WASF3: variants seen among roughly 807,000 people sequenced by gnomAD.
WASF3 encodes actin-binding protein WASF3.
In WASF3, 11 loss-of-function variants were observed where a neutral mutation model predicts 46.6. The ratio of observed to expected loss-of-function variants is 0.24; its 90% CI spans 0.15 to 0.39. The LOEUF is 0.39. WASF3 is among the 10% of genes least tolerant of loss of function. WASF3 has a pLI of 1.00. For synonymous variants in WASF3, 242 were observed against 259.7 expected, an observed-to-expected ratio of 0.93 and a Z score of 0.65; for missense variants, 576 against 669.8, an observed-to-expected ratio of 0.86 and a Z score of 1.55.
chr13:26,569,331 A>G (rs917756907), intron 1 of WASF3, among the ~76,000 whole-genome samples: 5 of 152,244 alleles, frequency 3.3e-5, no homozygotes, highest in South Asian at 2.1e-4. Context: ...GACAGTATCT[A>G]TCAGCTTGTT....
intron 1 of WASF3, among the ~76,000 whole-genome samples, chr13:26,595,276 G>T (rs990106224): frequency 6.6e-6 from 1 of 152,072 alleles, no homozygotes; most frequent in African/African-American, 2.4e-5. Flanking sequence ...TTTAAATATG[G>T]ATCTGCTCAG....
At chr13:26,668,501 A>G (rs2137474201) in intron 5 of WASF3, among the ~76,000 whole-genome samples, 1 of 152,290 alleles carries the variant, frequency 6.6e-6, no homozygotes, top group African/African-American at 2.4e-5. Flanking sequence ...TTCTCCTGTG[A>G]GAACCTTCCA....
At chr13:26,567,524 G>T (rs1879501308) in intron 1 of WASF3, among the ~76,000 whole-genome samples, 1 of 152,104 alleles carries the variant, frequency 6.6e-6, no homozygotes, top group South Asian at 2.1e-4. Flanking sequence ...GTGCTGCAAG[G>T]CAGAGCTGAT....
At chr13:26,673,733 G>A (rs9507762) in intron 6 of WASF3, among the ~76,000 whole-genome samples, 44,046 of 152,040 alleles carry the variant, frequency 0.29, 6,634 homozygotes, top group South Asian at 0.39. Flanking sequence ...TGCTTTAAAA[G>A]CCTTAAAAAC....
At chr13:26,678,645 C>T (rs1883135794) in intron 7 of WASF3, among the ~76,000 whole-genome samples, 1 of 152,038 alleles carries the variant, frequency 6.6e-6, no homozygotes, top group Admixed American at 6.6e-5. Context: ...TACCGTAACC[C>T]ATCTTACATT....
chr13:26,672,354 ATTG>A (rs1882946247), intron 6 of WASF3, among the ~76,000 whole-genome samples: 1 of 152,120 alleles, frequency 6.6e-6, no homozygotes, highest in Admixed American at 6.5e-5. Flanking sequence ...AACATTTTTA[ATTG>A]TTTGGTTGCC....
intron 1 of WASF3, among the ~76,000 whole-genome samples, chr13:26,562,857 T>TCCTCCCCTCCCCTCCCCTCTCCTCC (rs1481955412): frequency 1.0e-5 from 1 of 96,702 alleles, no homozygotes; most frequent in Non-Finnish European, 2.0e-5. Context: ...CCCTCCCCTC[T>TCCTCCCCTCCCCTCCCCTCTCCTCC]CCTCCCCTCC....
intron 3 of WASF3, among the ~76,000 whole-genome samples, chr13:26,650,458 C>G (rs947259525): frequency 1.3e-5 from 2 of 152,134 alleles, no homozygotes; most frequent in African/African-American, 2.4e-5. Context: ...AGGTACAGAG[C>G]TAGCATCAGA....
the WASF3 span, among the ~76,000 whole-genome samples, chr13:26,544,539 A>C: frequency 1.3e-5 from 2 of 152,246 alleles, no homozygotes; most frequent in South Asian, 4.1e-4. Flanking sequence ...CGCAAATCTC[A>C]TCAAAACCCA....
At chr13:26,564,863 T>C (rs1464649564) in intron 1 of WASF3, among the ~76,000 whole-genome samples, 1 of 151,642 alleles carries the variant, frequency 6.6e-6, no homozygotes, top group African/African-American at 2.4e-5. Context: ...ATCACTTATT[T>C]TCCAACTTCT....
At chr13:26,615,867 G>C (rs1240822050) in intron 2 of WASF3, among the ~76,000 whole-genome samples, 2 of 152,058 alleles carry the variant, frequency 1.3e-5, no homozygotes, top group Non-Finnish European at 2.9e-5. Flanking sequence ...TATGTAAATG[G>C]AATAATACAG....
chr13:26,688,398 C>T lies in WASF3; in HGVS notation c.*2553C>T, dbSNP rs1240256176. 6.6e-6 allele frequency: 1 copy of T among 152,124 alleles called. No homozygotes were observed. Among genetic ancestry groups the T allele is most frequent in the South Asian group, 2.1e-4 (1 of 4,834 alleles). The allele number at this position is 152,124 out of a possible 1,614,324, so 9.4% of individuals were successfully genotyped here. A position where few individuals can be genotyped will look rare whatever the true frequency, so the allele number is the denominator to read the frequency against. ...AATTGTCCCTCGTATTATTTCTCCACGTCTGTTTTAGTTTAATGTCTCCTA... is the reference window on the plus strand; with the variant it reads ...AATTGTCCCTCGTATTATTTCTCCATGTCTGTTTTAGTTTAATGTCTCCTA... On this transcript the variant is annotated 3_prime_UTR_variant, in exon 10 of 10. Coordinates refer to ENST00000335327, the MANE Select transcript of WASF3 (RefSeq NM_006646.6).
At chr13:26,675,094 C>T (rs954028866) in intron 6 of WASF3, among the ~76,000 whole-genome samples, 1 of 152,170 alleles carries the variant, frequency 6.6e-6, no homozygotes, top group Non-Finnish European at 1.5e-5. Flanking sequence ...TCACCCTATA[C>T]CCACTTAGTA....
chr13:26,655,261 T>C (rs988784556), intron 3 of WASF3, among the ~76,000 whole-genome samples: 1 of 152,220 alleles, frequency 6.6e-6, no homozygotes, highest in African/African-American at 2.4e-5. Flanking sequence ...CTTGACACTT[T>C]AGAAGGGAAA....
chr13:26,665,622 G>C (rs941342242), intron 4 of WASF3, among the ~76,000 whole-genome samples: 36 of 152,188 alleles, frequency 2.4e-4, no homozygotes, highest in African/African-American at 8.4e-4. Flanking sequence ...TAAAAATTTT[G>C]TTAACCTTCT....
chr13:26,591,793 G>A (rs1474792226), intron 1 of WASF3, among the ~76,000 whole-genome samples: 1 of 152,124 alleles, frequency 6.6e-6, no homozygotes, highest in African/African-American at 2.4e-5. Flanking sequence ...AGGGAGTCGG[G>A]ATAGAGAAGA....
chr13:26,635,256 C>A (rs1386247973), intron 2 of WASF3, among the ~76,000 whole-genome samples: 7 of 152,270 alleles, frequency 4.6e-5, no homozygotes, highest in African/African-American at 1.7e-4. Context: ...TCACTGATAT[C>A]TTTTCTTTCA....
upstream of WASF3, among the ~76,000 whole-genome samples, chr13:26,557,002 T>C (rs1437132974): frequency 6.6e-6 from 1 of 152,108 alleles, no homozygotes. Context: ...TAAGTTTGTT[T>C]ATGCCTCAGT....
intron 3 of WASF3, among the ~76,000 whole-genome samples, chr13:26,660,198 T>TTTG (rs1159774888): frequency 1.2e-3 from 6 of 4,868 alleles, no homozygotes; most frequent in African/African-American, 2.5e-3. Flanking sequence ...TGTTTGGTTT[T>TTTG]TTTTTTTTTT....
Sources: gnomAD v4.1 joint callset for allele counts (sites outside exome capture counted in the v4.1 genomes callset) on GRCh38, gnomAD v4.1.1 for gene constraint, MANE v1.5 for transcripts, NCBI Gene and HGNC (gene_info 2026-07-23, HGNC 2026-07-21) for gene names.